The following CHRNA5 variants were observed in gnomAD, a reference collection of about 807,000 sequenced individuals.
CHRNA5 encodes the protein cholinergic receptor nicotinic alpha 5 subunit.
CHRNA5 carries 28 observed loss-of-function variants against 41.2 expected under a neutral mutation model. The observed-to-expected ratio is 0.68, with a 90% CI of 0.50 to 0.93. The LOEUF (loss-of-function observed/expected upper bound fraction) is 0.93. CHRNA5 is among the 40% of genes least tolerant of loss of function. The pLI is 0.00. For missense variants in CHRNA5, 481 were observed against 581.9 expected (o/e 0.83, Z 1.78); for synonymous variants, 188 against 205.8 (o/e 0.91, Z 0.74).
chr15:78,580,129 A>G (rs995999892), intron 1 of CHRNA5, among the ~76,000 whole-genome samples: 1 of 151,426 alleles, frequency 6.6e-6, no homozygotes, highest in Non-Finnish European at 1.5e-5. Flanking sequence ...AAAATACAAA[A>G]ATTAGCCAGG....
At chr15:78,589,421 AG>A (rs1424525018) in intron 4 of CHRNA5, 1 of 163,138 alleles carries the variant, frequency 6.1e-6, no homozygotes, top group African/African-American at 2.4e-5. Flanking sequence ...TTTGCGATGA[AG>A]GAAGAAGAGC....
chr15:78,573,438 A>C (rs182742498), intron 1 of CHRNA5, among the ~76,000 whole-genome samples: 79 of 152,354 alleles, frequency 5.2e-4, no homozygotes, highest in African/African-American at 1.4e-3. Context: ...TACCCCAGGA[A>C]GACAGGCACC....
At chr15:78,592,512 C>G (rs147462143) in intron 5 of CHRNA5, among the ~76,000 whole-genome samples, 5 of 152,258 alleles carry the variant, frequency 3.3e-5, no homozygotes, top group African/African-American at 4.8e-5. Context: ...GCTCATCCTT[C>G]TTTTTCCTTG....
At chr15:78,585,903 G>A (rs1323591487) in intron 2 of CHRNA5, among the ~76,000 whole-genome samples, 3 of 148,296 alleles carry the variant, frequency 2.0e-5, no homozygotes, top group African/African-American at 7.5e-5. Context: ...TTGTGCCTCC[G>A]CCTCCTGAAT....
At chr15:78,581,188 A>T in intron 2 of CHRNA5, among the ~76,000 whole-genome samples, 1 of 152,274 alleles carries the variant, frequency 6.6e-6, no homozygotes, top group East Asian at 1.9e-4. Context: ...TGGTAATTAT[A>T]AGTCTATCTT....
intron 1 of CHRNA5, among the ~76,000 whole-genome samples, chr15:78,579,471 C>T (rs997686521): frequency 1.3e-5 from 2 of 152,170 alleles, no homozygotes; most frequent in African/African-American, 4.8e-5. Context: ...CCAGGTTCGT[C>T]TCGAACTCCT....
chr15:78,569,598 T>C (rs1191661578), intron 1 of CHRNA5, among the ~76,000 whole-genome samples: 1 of 151,564 alleles, frequency 6.6e-6, no homozygotes, highest in Non-Finnish European at 1.5e-5. Context: ...CACGCCTGGC[T>C]AATTTTTTGT....
intron 5 of CHRNA5, among the ~76,000 whole-genome samples, chr15:78,591,884 A>G (rs758076591): frequency 2.6e-5 from 4 of 152,212 alleles, no homozygotes; most frequent in Admixed American, 6.5e-5. Flanking sequence ...TGGAGCTATC[A>G]TTGGAGTTTT....
chr15:78,572,640 C>T (rs898775904), intron 1 of CHRNA5, among the ~76,000 whole-genome samples: 4 of 152,102 alleles, frequency 2.6e-5, no homozygotes, highest in African/African-American at 9.6e-5. Context: ...TGCACCACCA[C>T]GCCTGGCTAA....
chr15:78,579,285 G>A (rs1010716961), intron 1 of CHRNA5, among the ~76,000 whole-genome samples: 1 of 151,580 alleles, frequency 6.6e-6, no homozygotes, highest in Admixed American at 6.6e-5. Flanking sequence ...ACAGAGTCTC[G>A]CTCTGTTGGC....
chr15:78,570,368 C>T (rs1024007479), intron 1 of CHRNA5, among the ~76,000 whole-genome samples: 3 of 150,836 alleles, frequency 2.0e-5, no homozygotes, highest in Non-Finnish European at 2.9e-5. Context: ...AAATGATTCT[C>T]GTGCCTCAGC....
chr15:78,567,620 C>T (rs2052762227), intron 1 of CHRNA5, among the ~76,000 whole-genome samples: 2 of 152,134 alleles, frequency 1.3e-5, no homozygotes, highest in African/African-American at 2.4e-5. Context: ...CACGTAAGCT[C>T]CTTAAGAACT....
At chr15:78,584,940 C>T (rs1366263932) in intron 2 of CHRNA5, among the ~76,000 whole-genome samples, 1 of 152,080 alleles carries the variant, frequency 6.6e-6, no homozygotes, top group Non-Finnish European at 1.5e-5. Context: ...CAAGTCACCT[C>T]TCTGGGCCAG....
intron 2 of CHRNA5, among the ~76,000 whole-genome samples, chr15:78,583,080 C>T (rs2052928190): frequency 6.6e-6 from 1 of 152,098 alleles, no homozygotes; most frequent in South Asian, 2.1e-4. Context: ...CACTGGTACT[C>T]ATGTGCTCTG....
In CHRNA5 at chr15:78,593,033, T is replaced by C. The variant is rs2053036292; in HGVS notation, c.1246-59T>C. On this transcript the variant is annotated intron_variant, in intron 5 of 5. Transcript: ENST00000299565. ...CTTCTAACTCAGTGTGTTTGTTATA[T>C]CTTAAAATATGTACACAATTTACAA... 1.9e-6 allele frequency: 3 copies of C among 1,568,476 alleles called. No individual in the cohort carries two copies. In the Admixed American group the frequency reaches 5.8e-5, roughly 30 times the overall value.
exon 6 of CHRNA5, chr15:78,594,085 A>C (rs1395197161): frequency 2.0e-5 from 3 of 152,176 alleles, no homozygotes; most frequent in African/African-American, 7.2e-5. Context: ...GCTTTTCCAT[A>C]ACCAACATTT....
chr15:78,590,788 TCTTTA>T (rs2053006207), intron 5 of CHRNA5, 152 bp downstream of exon 5: 2 of 666,318 alleles, frequency 3.0e-6, no homozygotes, highest in Non-Finnish European at 4.9e-6. Context: ...CTATAAAAGA[TCTTTA>T]CTAAGGCTTG....
intron 2 of CHRNA5, among the ~76,000 whole-genome samples, chr15:78,585,975 G>A (rs2052957810): frequency 6.7e-6 from 1 of 149,430 alleles, no homozygotes; most frequent in African/African-American, 2.5e-5. Flanking sequence ...TTTTTTTTAA[G>A]TGGAGATGGG....
chr15:78,594,229 A>G (rs1382726454), exon 6 of CHRNA5: 1 of 152,200 alleles, frequency 6.6e-6, no homozygotes. Context: ...ACTCCTGTGG[A>G]CACGCAGTAG....
Sources: gnomAD v4.1 joint callset for allele counts (sites outside exome capture counted in the v4.1 genomes callset) on GRCh38, gnomAD v4.1.1 for gene constraint, MANE v1.5 for transcripts, NCBI Gene and HGNC (gene_info 2026-07-23, HGNC 2026-07-21) for gene names.